The following ANO3 variants were observed in gnomAD, a reference collection of about 807,000 sequenced individuals.
ANO3 encodes anoctamin-3.
A neutral mutation model predicts 144.8 loss-of-function variants in ANO3; 99 were observed. The ratio of observed to expected loss-of-function variants is 0.68; its 90% CI spans 0.58 to 0.81. The LOEUF is 0.81. ANO3 is among the 30% of genes least tolerant of loss of function. The pLI, the probability that ANO3 is intolerant of heterozygous loss-of-function variation, is 0.00. For synonymous variants in ANO3, 414 were observed against 392.6 expected, an observed-to-expected ratio of 1.05 and a Z score of -0.64; for missense variants, 905 against 1,202.2, an observed-to-expected ratio of 0.75 and a Z score of 3.66.
At chr11:26,274,771 C>A (rs1853521570) in intron 1 of ANO3, among the ~76,000 whole-genome samples, 1 of 151,986 alleles carries the variant, frequency 6.6e-6, no homozygotes, top group Admixed American at 6.6e-5. Context: ...ATAAAGTAAG[C>A]AGAGATACTT....
chr11:26,442,391 A>G (rs981690431), intron 2 of ANO3, among the ~76,000 whole-genome samples: 1 of 152,226 alleles, frequency 6.6e-6, no homozygotes, highest in East Asian at 1.9e-4. Context: ...CACTGTTTGC[A>G]TCCCTCTTGT....
At chr11:26,651,159 A>G (rs918923346) in intron 24 of ANO3, among the ~76,000 whole-genome samples, 1 of 152,194 alleles carries the variant, frequency 6.6e-6, no homozygotes, top group African/African-American at 2.4e-5. Flanking sequence ...GCATGGTTCC[A>G]GGAACTAATT....
intron 1 of ANO3, among the ~76,000 whole-genome samples, chr11:26,243,098 G>A (rs1488664591): frequency 6.6e-6 from 1 of 152,066 alleles, no homozygotes; most frequent in Non-Finnish European, 1.5e-5. Flanking sequence ...TACTAAAGAT[G>A]GTCCAGGGAC....
chr11:26,470,415 C>CA (rs762277202), intron 4 of ANO3, among the ~76,000 whole-genome samples: 7,712 of 106,300 alleles, frequency 0.073, 420 homozygotes, highest in African/African-American at 0.18. Context: ...GAGACCCTCT[C>CA]AAAAAAAAAA....
At chr11:26,197,279 G>T (rs1851607160) in intron 1 of ANO3, among the ~76,000 whole-genome samples, 2 of 152,176 alleles carry the variant, frequency 1.3e-5, no homozygotes, top group Admixed American at 6.6e-5. Flanking sequence ...CATGAGGAAG[G>T]TTCGCAATAG....
chr11:26,406,088 G>A (rs1857270193), intron 1 of ANO3, among the ~76,000 whole-genome samples: 1 of 151,870 alleles, frequency 6.6e-6, no homozygotes, highest in Non-Finnish European at 1.5e-5. Flanking sequence ...TCCATTTGTG[G>A]TGCTATAACA....
rs1565005520 is a variant in ANO3, at chr11:26,404,959, G to GTGTGTT, written c.47-36954_47-36953insTTGTGT. On this transcript the variant is annotated intron_variant, in intron 1 of 26. Coordinates refer to ENST00000256737, the MANE Select transcript of ANO3 (RefSeq NM_031418.4). ...TGTGTGTGTGTGTGTGTGTGTGTGTGTGTGTGTGTGTGTGTGTGTGTCTAT... is the reference window on the plus strand; with the variant it reads ...TGTGTGTGTGTGTGTGTGTGTGTGTGTGTGTTTGTGTGTGTGTGTGTGTGTGTCTAT... 7.6e-3 allele frequency among the ~76,000 whole-genome samples: 1,142 copies of GTGTGTT among 150,732 alleles called. 23 individuals carry two copies. The highest frequency in any genetic ancestry group is 0.026 in the African/African-American group (1,077 of 41,172).
chr11:26,497,912 G>A (rs938689350), intron 4 of ANO3, among the ~76,000 whole-genome samples: 4 of 151,950 alleles, frequency 2.6e-5, no homozygotes, highest in Admixed American at 6.6e-5. Flanking sequence ...CAAGCTATCA[G>A]TAAATTCTAA....
At chr11:26,636,239 A>G (rs892092079) in intron 20 of ANO3, among the ~76,000 whole-genome samples, 1 of 152,140 alleles carries the variant, frequency 6.6e-6, no homozygotes, top group East Asian at 1.9e-4. Context: ...TCCCAGTAAT[A>G]CTGGTGATTG....
At chr11:26,658,818 A>G (rs180783482) in intron 26 of ANO3, among the ~76,000 whole-genome samples, 2 of 152,236 alleles carry the variant, frequency 1.3e-5, no homozygotes, top group East Asian at 3.9e-4. Context: ...ATTATGATCT[A>G]CTTTGCAGTA....
chr11:26,534,373 G>T lies in ANO3; in HGVS notation c.870-83G>T, dbSNP rs143704682. On this transcript the variant is annotated intron_variant, in intron 8 of 26. Coordinates refer to ENST00000256737, the MANE Select transcript of ANO3 (RefSeq NM_031418.4). ...CCTTCTGATTTACTATGCTTCATAT[G>T]CATTAGCTTTAATGGAACTTGTAAC... 9.8e-6 allele frequency: 8 copies of T among 819,904 alleles called. No individual in the cohort carries two copies. In the African/African-American group the frequency reaches 1.2e-4, roughly 12 times the overall value. 50.8% of individuals were successfully genotyped at this position (819,904 alleles called of 1,614,324 possible).
chr11:26,441,742 A>T (rs191861575), intron 1 of ANO3, among the ~76,000 whole-genome samples, 176 bp from the exon 2 acceptor site: 369 of 152,314 alleles, frequency 2.4e-3, no homozygotes, highest in African/African-American at 8.4e-3. Flanking sequence ...ATTTAACAAA[A>T]ATCTCAAACA....
At chr11:26,592,277 T>C (rs1308499097) in intron 14 of ANO3, among the ~76,000 whole-genome samples, 1 of 148,704 alleles carries the variant, frequency 6.7e-6, no homozygotes, top group Non-Finnish European at 1.5e-5. Context: ...CTTTTTTAGA[T>C]GTTGTTTGAG....
At chr11:26,441,269 C>A (rs920991914) in intron 1 of ANO3, among the ~76,000 whole-genome samples, 9 of 151,130 alleles carry the variant, frequency 6.0e-5, no homozygotes, top group Non-Finnish European at 1.0e-4. Context: ...AGGCGCCCGC[C>A]ACTACGCCCG....
At chr11:26,479,637 C>A (rs1860131057) in intron 4 of ANO3, among the ~76,000 whole-genome samples, 2 of 152,118 alleles carry the variant, frequency 1.3e-5, no homozygotes. Flanking sequence ...CCACCTGGCC[C>A]TGCCCTTGAC....
intron 1 of ANO3, among the ~76,000 whole-genome samples, chr11:26,232,579 T>C (rs1217545812): frequency 7.2e-5 from 11 of 152,122 alleles, no homozygotes; most frequent in Non-Finnish European, 1.5e-4. Flanking sequence ...TGGCTATCCA[T>C]ATGCCAAATC....
At chr11:26,442,839 T>G (rs1858570293) in intron 2 of ANO3, among the ~76,000 whole-genome samples, 1 of 152,186 alleles carries the variant, frequency 6.6e-6, no homozygotes, top group Non-Finnish European at 1.5e-5. Context: ...CGATGTCGGC[T>G]CACTGTAACG....
chr11:26,366,041 A>G (rs1856072194), intron 1 of ANO3, among the ~76,000 whole-genome samples: 1 of 148,268 alleles, frequency 6.7e-6, no homozygotes, highest in African/African-American at 2.5e-5. Context: ...CATGCACATA[A>G]CGTGCAGGTT....
At position 26,202,947 on chromosome 11, in the gene ANO3, G is replaced by A. The variant is rs146650333; in HGVS notation, c.154+13617G>A. Among the ~76,000 whole-genome samples the A allele has an allele frequency of 9.5e-4, 144 of 152,198 alleles. 2 individuals carry two copies. The highest frequency in any genetic ancestry group is 3.4e-3 in the Middle Eastern group (1 of 294). On this transcript the variant is annotated intron_variant, in intron 1 of 27. Transcript: ENST00000672621. Reference sequence around the variant, plus strand: ...CATAGTAGCTGTTCAACAGACAGTCGTTAAATGAGTACTAATGGAGCTGGA... The same window carrying A: ...CATAGTAGCTGTTCAACAGACAGTCATTAAATGAGTACTAATGGAGCTGGA...
Sources: allele counts gnomAD v4.1 joint callset (sites outside exome capture counted in the v4.1 genomes callset), GRCh38; gene constraint gnomAD v4.1.1; transcripts MANE v1.5; gene names NCBI Gene and HGNC (gene_info 2026-07-23, HGNC 2026-07-21).